Variants in FBXO8 observed in about 807,000 individuals in gnomAD.
FBXO8 encodes the protein F-box only protein 8.
Under a neutral mutation model 33.4 loss-of-function variants are expected in FBXO8, and 15 were observed. That is an observed-to-expected ratio of 0.45 (90% CI 0.30 to 0.69). The LOEUF is 0.69. Ranked by LOEUF, FBXO8 falls within the 30% of genes least tolerant of loss-of-function variation. FBXO8 has a pLI of 0.08. For synonymous variants in FBXO8, 132 were observed against 131.5 expected (o/e 1.00, Z -0.02); for missense variants, 274 against 380.3 (o/e 0.72, Z 2.32).
At chr4:174,268,334 T>C (rs1736741047) in intron 1 of FBXO8, among the ~76,000 whole-genome samples, 1 of 152,240 alleles carries the variant, frequency 6.6e-6, no homozygotes, top group Admixed American at 6.5e-5. Flanking sequence ...CAGGCTTGAA[T>C]GAGGCTTATC....
Position 174,247,346 on chromosome 4 carries a change from A to G in FBXO8, c.457-6128T>C, listed in dbSNP as rs890039879. ...AACAACATAGTAAAGAAATTTAGAA[A>G]AAAATTTGATTTAGCAAGTTTTGTT... On this transcript the variant is annotated intron_variant, in intron 3 of 5. Coordinates refer to ENST00000393674, the MANE Select transcript of FBXO8 (RefSeq NM_012180.3). This position sits in a 1 kb window ranked among gnomAD's most constrained non-coding sequence, Gnocchi z 4.6. 6.6e-6 allele frequency among the ~76,000 whole-genome samples: 1 copy of G among 152,036 alleles called. No individual in the cohort carries two copies. The highest frequency in any genetic ancestry group is 1.5e-5 in the Non-Finnish European group (1 of 67,952).
chr4:174,269,337 G>A (rs1446226245), intron 1 of FBXO8, among the ~76,000 whole-genome samples: 1 of 151,960 alleles, frequency 6.6e-6, no homozygotes, highest in South Asian at 2.1e-4. Context: ...AAAAAATGGG[G>A]GAAAAAACCC....
At chr4:174,271,037 A>G (rs1035414319) in intron 1 of FBXO8, among the ~76,000 whole-genome samples, 1 of 152,178 alleles carries the variant, frequency 6.6e-6, no homozygotes, top group Admixed American at 6.5e-5. Flanking sequence ...TTTTGGAAAA[A>G]AATCTCAACC....
intron 1 of FBXO8, among the ~76,000 whole-genome samples, chr4:174,273,272 G>A (rs1560875497): frequency 6.8e-6 from 1 of 147,256 alleles, no homozygotes; most frequent in South Asian, 2.1e-4. Flanking sequence ...GAGTGACGGA[G>A]CAAAACTCTG....
intron 1 of FBXO8, among the ~76,000 whole-genome samples, chr4:174,276,266 C>CT (rs1161189566): frequency 6.6e-6 from 1 of 152,108 alleles, no homozygotes; most frequent in East Asian, 1.9e-4. Context: ...GAGTTGGAGT[C>CT]TTGCTCTGTT....
chr4:174,256,440 A>G lies in FBXO8; in HGVS notation c.456+3259T>C, dbSNP rs1579026630. ...ACTGCCTAATTTTGAGCACTCAAAAAACTTGGCAAGAGTCATTCTAAAGTC... is the reference window on the plus strand; with the variant it reads ...ACTGCCTAATTTTGAGCACTCAAAAGACTTGGCAAGAGTCATTCTAAAGTC... On this transcript the variant is annotated intron_variant, in intron 3 of 5. Transcript: ENST00000393674. The surrounding 1 kb of genome is among the most constrained non-coding windows in gnomAD (Gnocchi z 4.6). Among the ~76,000 whole-genome samples the G allele has an allele frequency of 1.3e-5, 2 of 152,324 alleles. No homozygotes were observed. The highest frequency in any genetic ancestry group is 4.1e-4 in the South Asian group (2 of 4,826).
chr4:174,249,376 T>C (rs893942175), intron 3 of FBXO8, among the ~76,000 whole-genome samples: 9 of 151,972 alleles, frequency 5.9e-5, no homozygotes, highest in African/African-American at 2.2e-4. Flanking sequence ...GATTAATAAT[T>C]GAAACTAATG....
At position 174,275,352 on chromosome 4, in the gene FBXO8, A is replaced by G. The variant is rs1336261371; in HGVS notation, c.-9+8058T>C. 6.6e-6 allele frequency among the ~76,000 whole-genome samples: 1 copy of G among 152,202 alleles called. No homozygotes were observed. The highest frequency in any genetic ancestry group is 2.4e-5 in the African/African-American group (1 of 41,454). On this transcript the variant is annotated intron_variant, in intron 1 of 5. Transcript: ENST00000393674. This position sits in a 1 kb window ranked among gnomAD's most constrained non-coding sequence, Gnocchi z 4.4. ...ACACACACATATGTACACTGAGTAA[A>G]AATAAAACTAGGGGAATATGAGTAA...
chr4:174,239,319 A>G (rs979781492), intron 4 of FBXO8, 129 bp from the exon 5 acceptor site: 7 of 489,880 alleles, frequency 1.4e-5, no homozygotes, highest in African/African-American at 1.0e-4. Context: ...CTAATCCTAT[A>G]AAAGTATATA....
Position 174,275,213 on chromosome 4 carries a change from C to T in FBXO8, c.-9+8197G>A, listed in dbSNP as rs1482632206. ...TGGTAAGATGGTCAACATCATTAGC[C>T]AGGAGAGAGGTGCGTACGGTTATAA... On this transcript the variant is annotated intron_variant, in intron 1 of 5. Transcript: ENST00000393674. The surrounding 1 kb of genome is among the most constrained non-coding windows in gnomAD (Gnocchi z 4.4). 6.6e-6 allele frequency among the ~76,000 whole-genome samples: 1 copy of T among 152,038 alleles called. No individual in the cohort carries two copies. The highest frequency in any genetic ancestry group is 1.5e-5 in the Non-Finnish European group (1 of 68,002).
At position 174,257,461 on chromosome 4, in the gene FBXO8, A is replaced by T. The variant is rs1482209247; in HGVS notation, c.456+2238T>A. Reference sequence around the variant, plus strand: ...TTGAAAGTGATATGAATTGAAGATGACAGTTTTACTCAACATCAGAATAAT... The same window carrying T: ...TTGAAAGTGATATGAATTGAAGATGTCAGTTTTACTCAACATCAGAATAAT... On this transcript the variant is annotated intron_variant, in intron 3 of 5. Coordinates refer to ENST00000393674, the MANE Select transcript of FBXO8 (RefSeq NM_012180.3). This position sits in a 1 kb window ranked among gnomAD's most constrained non-coding sequence, Gnocchi z 4.3. Among the ~76,000 whole-genome samples, 2 of 152,120 alleles carry T rather than the reference A, an allele frequency of 1.3e-5. No individual in the cohort carries two copies. The highest frequency in any genetic ancestry group is 4.8e-5 in the African/African-American group (2 of 41,414).
At chr4:174,279,348 T>C (rs894130591) in intron 1 of FBXO8, among the ~76,000 whole-genome samples, 3 of 152,060 alleles carry the variant, frequency 2.0e-5, no homozygotes, top group African/African-American at 4.8e-5. Flanking sequence ...TACAAAACAC[T>C]ACTGAAAGAA....
In FBXO8 at chr4:174,272,376, G is replaced by A. The variant is rs1270374118; in HGVS notation, c.-8-9276C>T. ...ACATCCAATAAGATGTAAATGCTAT[G>A]TAAATAGTTGTTATACTGTATTCTA... On this transcript the variant is annotated intron_variant, in intron 1 of 5. Transcript: ENST00000393674. This position sits in a 1 kb window ranked among gnomAD's most constrained non-coding sequence, Gnocchi z 4.7. 6.6e-6 allele frequency among the ~76,000 whole-genome samples: 1 copy of A among 152,146 alleles called. No individual in the cohort carries two copies. Among genetic ancestry groups the A allele is most frequent in the Non-Finnish European group, 1.5e-5 (1 of 68,022 alleles).
rs1737006082 is a variant in FBXO8, at chr4:174,278,600, T to G, written c.-9+4810A>C. ...ACTAGCATTATTTTTAATTATATGG[T>G]TCTTACTTAATTGTATCACTATTTA... On this transcript the variant is annotated intron_variant, in intron 1 of 5. Coordinates refer to ENST00000393674, the MANE Select transcript of FBXO8 (RefSeq NM_012180.3). The surrounding 1 kb of genome is among the most constrained non-coding windows in gnomAD (Gnocchi z 4.1). Among the ~76,000 whole-genome samples the G allele has an allele frequency of 6.6e-6, 1 of 152,090 alleles. No individual in the cohort carries two copies. Among genetic ancestry groups the G allele is most frequent in the Non-Finnish European group, 1.5e-5 (1 of 67,946 alleles).
rs1285676698 is a variant in FBXO8 at position 174,252,887 on chromosome 4, C to T, written c.456+6812G>A. Among the ~76,000 whole-genome samples the T allele has an allele frequency of 1.3e-5, 2 of 152,106 alleles. No homozygotes were observed. Among genetic ancestry groups the T allele is most frequent in the African/African-American group, 4.8e-5 (2 of 41,410 alleles). On this transcript the variant is annotated intron_variant, in intron 3 of 5. Transcript: ENST00000393674. The surrounding 1 kb of genome is among the most constrained non-coding windows in gnomAD (Gnocchi z 5.1). Reference sequence around the variant, plus strand: ...TCCAGAGGCTGAGGCACAAGAATTACCTGAGCCCGGGAGGTGGTGATTGCA... The same window carrying T: ...TCCAGAGGCTGAGGCACAAGAATTATCTGAGCCCGGGAGGTGGTGATTGCA...
At chr4:174,271,313 G>A (rs1460089068) in intron 1 of FBXO8, among the ~76,000 whole-genome samples, 1 of 152,168 alleles carries the variant, frequency 6.6e-6, no homozygotes, top group Non-Finnish European at 1.5e-5. Flanking sequence ...ACCTCAAGAG[G>A]CTTGGGAGTC....
In FBXO8 at chr4:174,256,660, T is replaced by C. The variant is rs1579026808; in HGVS notation, c.456+3039A>G. The stretch of plus-strand genomic sequence containing the variant: ...ACTTCCCCTCATTTCTCTGACCTTA[T>C]TAAGTGTATTGCAATGTCCTTTTTT... On this transcript the variant is annotated intron_variant, in intron 3 of 5. Transcript: ENST00000393674. This position sits in a 1 kb window ranked among gnomAD's most constrained non-coding sequence, Gnocchi z 4.6. 1.3e-5 allele frequency among the ~76,000 whole-genome samples: 2 copies of C among 152,318 alleles called. No individual in the cohort carries two copies. The highest frequency in any genetic ancestry group is 2.1e-4 in the South Asian group (1 of 4,830).
chr4:174,271,098 C>T (rs1182746301), intron 1 of FBXO8, among the ~76,000 whole-genome samples: 4 of 151,884 alleles, frequency 2.6e-5, no homozygotes, highest in Non-Finnish European at 5.9e-5. Flanking sequence ...CCTCTCTCTC[C>T]CATAAAATGA....
chr4:174,280,653 C>A (rs1737063319), intron 1 of FBXO8, among the ~76,000 whole-genome samples: 1 of 152,066 alleles, frequency 6.6e-6, no homozygotes, highest in Non-Finnish European at 1.5e-5. Context: ...TGTTATGTGA[C>A]CTTAAAAAGA....
Sources: gnomAD v4.1 joint callset for allele counts (sites outside exome capture counted in the v4.1 genomes callset) on GRCh38, gnomAD v4.1.1 for gene constraint, Gnocchi (gnomAD v3.1) non-coding constraint, MANE v1.5 for transcripts, NCBI Gene and HGNC (gene_info 2026-07-23, HGNC 2026-07-21) for gene names.